The following CTNNA2 variants were observed in gnomAD, a reference collection of about 807,000 sequenced individuals.
CTNNA2 encodes catenin alpha-2.
CTNNA2 carries 42 observed loss-of-function variants against 101.0 expected under a neutral mutation model. That is an observed-to-expected ratio of 0.42 (90% CI 0.32 to 0.54). CTNNA2 has a LOEUF of 0.54. Among genes scored for constraint, CTNNA2 ranks in the 20% least tolerant of loss-of-function variants. CTNNA2 has a pLI of 0.14. For synonymous variants in CTNNA2, 450 were observed against 456.4 expected (o/e 0.99, Z 0.18); for missense variants, 871 against 1,223.1 (o/e 0.71, Z 4.29).
intron 7 of CTNNA2, among the ~76,000 whole-genome samples, chr2:80,387,383 A>G (rs1437833807): frequency 6.6e-6 from 1 of 152,102 alleles, no homozygotes; most frequent in Non-Finnish European, 1.5e-5. Flanking sequence ...TCAGTTGTGT[A>G]TTATTCAGCA....
At chr2:79,915,807 T>A (rs969008185) in intron 7 of CTNNA2, among the ~76,000 whole-genome samples, 2 of 151,644 alleles carry the variant, frequency 1.3e-5, no homozygotes, top group Admixed American at 1.3e-4. Flanking sequence ...TATCAGAATT[T>A]ATTTAAGTTG....
chr2:79,197,028 C>G (rs965801503), intron 1 of CTNNA2, among the ~76,000 whole-genome samples: 1 of 152,156 alleles, frequency 6.6e-6, no homozygotes, highest in African/African-American at 2.4e-5. Context: ...ATCTGTTTTT[C>G]TCATTCCCCT....
At chr2:79,800,919 G>C (rs183826526) in intron 3 of CTNNA2, among the ~76,000 whole-genome samples, 1 of 152,274 alleles carries the variant, frequency 6.6e-6, no homozygotes, top group East Asian at 1.9e-4. Flanking sequence ...TTACTGAAAA[G>C]AACTGGTCCT....
chr2:80,625,819 G>T (rs539738445), intron 18 of CTNNA2, among the ~76,000 whole-genome samples: 1 of 152,004 alleles, frequency 6.6e-6, no homozygotes, highest in Admixed American at 6.6e-5. Context: ...GCTAGATTTC[G>T]AAATGCACTG....
chr2:79,347,403 T>C (rs1281664007), intron 3 of CTNNA2, among the ~76,000 whole-genome samples: 4 of 152,200 alleles, frequency 2.6e-5, no homozygotes, highest in Non-Finnish European at 5.9e-5. Flanking sequence ...TAAATGAAGA[T>C]AATAATAGTA....
intron 7 of CTNNA2, among the ~76,000 whole-genome samples, chr2:80,328,089 G>T (rs1243489219): frequency 6.6e-6 from 1 of 152,198 alleles, no homozygotes; most frequent in Non-Finnish European, 1.5e-5. Flanking sequence ...ATTCTGGAGT[G>T]ATGAGGAGAG....
chr2:79,875,976 GTTAAT>G (rs933589449), intron 6 of CTNNA2, among the ~76,000 whole-genome samples: 2 of 151,640 alleles, frequency 1.3e-5, no homozygotes, highest in African/African-American at 4.8e-5. Flanking sequence ...TTTTTAAAAA[GTTAAT>G]TTTATTTTAT....
At chr2:79,379,729 T>C (rs1261039501) in intron 4 of CTNNA2, among the ~76,000 whole-genome samples, 2 of 152,170 alleles carry the variant, frequency 1.3e-5, no homozygotes, top group Non-Finnish European at 2.9e-5. Context: ...TAAAGCTTTT[T>C]GGTAGAGAGA....
intron 1 of CTNNA2, among the ~76,000 whole-genome samples, chr2:79,520,980 T>G (rs573875805): frequency 1.3e-5 from 2 of 151,606 alleles, no homozygotes; most frequent in African/African-American, 4.8e-5. Context: ...TGAAAACATA[T>G]GTACAAGGAC....
chr2:79,546,463 C>T (rs753223417), intron 1 of CTNNA2, among the ~76,000 whole-genome samples: 4 of 152,024 alleles, frequency 2.6e-5, no homozygotes, highest in African/African-American at 9.7e-5. Context: ...TTATTATTAC[C>T]GTAGCACTGA....
intron 3 of CTNNA2, among the ~76,000 whole-genome samples, chr2:79,342,781 A>C (rs1015031399): frequency 1.3e-5 from 2 of 152,178 alleles, no homozygotes; most frequent in Non-Finnish European, 2.9e-5. Flanking sequence ...TACTTCAAAA[A>C]TCTGTAGCCA....
chr2:79,403,202 G>A (rs1678308008), intron 4 of CTNNA2, among the ~76,000 whole-genome samples: 2 of 151,610 alleles, frequency 1.3e-5, no homozygotes, highest in African/African-American at 4.8e-5. Flanking sequence ...TAACAAACTA[G>A]ACAATAAAAT....
At chr2:79,895,411 A>T (rs772502621) in intron 6 of CTNNA2, among the ~76,000 whole-genome samples, 2 of 152,184 alleles carry the variant, frequency 1.3e-5, no homozygotes, top group Non-Finnish European at 2.9e-5. Flanking sequence ...TTATTCTTTC[A>T]TCAGACATGA....
At position 79,607,122 on chromosome 2, in the gene CTNNA2, A is replaced by G. The variant is rs114523428; in HGVS notation, c.-5-44430A>G. ...CATGATAACACCAAAGGAAAATTGG[A>G]ATGACTACACGAATATTAGAAAAAG... On this transcript the variant is annotated intron_variant, in intron 1 of 18. Coordinates refer to ENST00000402739, the MANE Select transcript of CTNNA2 (RefSeq NM_001282597.3). Among the ~76,000 whole-genome samples, 630 of 152,314 alleles carry G rather than the reference A, an allele frequency of 4.1e-3. 5 individuals are homozygous for G. Among genetic ancestry groups the G allele is most frequent in the African/African-American group, 0.014 (594 of 41,582 alleles).
At chr2:80,624,775 A>C (rs1360985178) in intron 18 of CTNNA2, among the ~76,000 whole-genome samples, 2 of 151,904 alleles carry the variant, frequency 1.3e-5, no homozygotes, top group African/African-American at 4.8e-5. Context: ...CACTTTCTAG[A>C]ATCAGTTGAC....
At chr2:79,463,863 C>T (rs1424728402) in intron 4 of CTNNA2, among the ~76,000 whole-genome samples, 2 of 152,108 alleles carry the variant, frequency 1.3e-5, no homozygotes, top group Non-Finnish European at 2.9e-5. Flanking sequence ...TTCTCTTGCC[C>T]TCCAAATAAC....
At chr2:80,279,682 G>A (rs1160230331) in intron 7 of CTNNA2, among the ~76,000 whole-genome samples, 3 of 152,064 alleles carry the variant, frequency 2.0e-5, no homozygotes, top group Non-Finnish European at 2.9e-5. Flanking sequence ...CAATTTCTGT[G>A]GCAGAGGACT....
At chr2:80,523,820 C>A (rs1162792794) in intron 9 of CTNNA2, among the ~76,000 whole-genome samples, 1 of 152,102 alleles carries the variant, frequency 6.6e-6, no homozygotes, top group Non-Finnish European at 1.5e-5. Context: ...TTAATATAAC[C>A]AATCTTGATA....
chr2:80,500,319 C>A (rs186951261), intron 9 of CTNNA2, among the ~76,000 whole-genome samples: 2 of 152,158 alleles, frequency 1.3e-5, no homozygotes, highest in Non-Finnish European at 2.9e-5. Flanking sequence ...AGCTCCCTGC[C>A]ATGATCCACC....
Sources: allele counts gnomAD v4.1 joint callset (sites outside exome capture counted in the v4.1 genomes callset), GRCh38; gene constraint gnomAD v4.1.1; transcripts MANE v1.5; gene names NCBI Gene and HGNC (gene_info 2026-07-23, HGNC 2026-07-21).